CCDC171: variants seen among roughly 807,000 people sequenced by gnomAD.
CCDC171 encodes coiled-coil domain-containing protein 171.
A neutral mutation model predicts 168.2 loss-of-function variants in CCDC171; 177 were observed. That is an observed-to-expected ratio of 1.05 (90% CI 0.93 to 1.19). The LOEUF (loss-of-function observed/expected upper bound fraction) is 1.19, where lower values mean the gene tolerates loss of function less well. Ranked by LOEUF, CCDC171 falls within the 50% of genes most tolerant of loss-of-function variation. CCDC171 has a pLI of 0.00. For missense variants in CCDC171, 1,991 were observed against 1,539.0 expected (o/e 1.29, Z -4.91); for synonymous variants, 687 against 540.8 (o/e 1.27, Z -3.75).
In CCDC171 at chr9:15,736,636, G is replaced by A. The variant is rs146085159; in HGVS notation, c.2049+6838G>A. Among the ~76,000 whole-genome samples the A allele has an allele frequency of 3.4e-3, 520 of 150,956 alleles. 2 individuals are homozygous for A. The highest frequency in any genetic ancestry group is 5.4e-3 in the Non-Finnish European group (368 of 67,926). Reference sequence around the variant, plus strand: ...CAAAGTGTTGGAATTACAAATGTGAGCCACGGTGCCCGGCTCACATTTCTT... The same window carrying A: ...CAAAGTGTTGGAATTACAAATGTGAACCACGGTGCCCGGCTCACATTTCTT... On this transcript the variant is annotated intron_variant, in intron 16 of 25. Coordinates refer to ENST00000380701, the MANE Select transcript of CCDC171 (RefSeq NM_173550.4).
chr9:15,955,792 A>G (rs1265795452), intron 25 of CCDC171, among the ~76,000 whole-genome samples: 2 of 152,168 alleles, frequency 1.3e-5, no homozygotes, highest in Non-Finnish European at 2.9e-5. Flanking sequence ...CATTTTTAAT[A>G]AGATGTGATA....
At chr9:15,714,576 A>C (rs1421192059) in intron 11 of CCDC171, among the ~76,000 whole-genome samples, 1 of 71,644 alleles carries the variant, frequency 1.4e-5, no homozygotes, top group African/African-American at 5.4e-5. Context: ...TATCCCTGAT[A>C]AGTGTAGTTA....
At chr9:15,936,644 C>G (rs1483399946) in intron 25 of CCDC171, among the ~76,000 whole-genome samples, 2 of 151,998 alleles carry the variant, frequency 1.3e-5, no homozygotes, top group Non-Finnish European at 2.9e-5. Flanking sequence ...GCCTCCCCAC[C>G]TCCCCTTAAC....
rs778689674 is a variant in CCDC171, at chr9:15,641,240, A to G, written c.823-15887A>G. ...TTGTGCAACTAATGAGGAAACTAAC[A>G]TACAACACACTCCTGAGGAAATCAT... On this transcript the variant is annotated intron_variant, in intron 7 of 25. Coordinates refer to ENST00000380701, the MANE Select transcript of CCDC171 (RefSeq NM_173550.4). Among the ~76,000 whole-genome samples, 45 of 152,218 alleles carry G rather than the reference A, an allele frequency of 3.0e-4. 1 individual carries two copies. Among genetic ancestry groups the G allele is most frequent in the Non-Finnish European group, 7.4e-5 (5 of 68,024 alleles).
In CCDC171 at chr9:15,892,160, G is replaced by C. The variant is rs1010632075; in HGVS notation, c.3600+17497G>C. Among the ~76,000 whole-genome samples the C allele has an allele frequency of 7.0e-4, 106 of 152,122 alleles. 1 individual carries two copies. Among genetic ancestry groups the C allele is most frequent in the African/African-American group, 2.3e-3 (97 of 41,432 alleles). ...TGTCTTCTGCAAACAAAGATAATTT[G>C]ACTTTCTCTCTTTCTATTTGAATAG... On this transcript the variant is annotated intron_variant, in intron 24 of 25. Coordinates refer to ENST00000380701, the MANE Select transcript of CCDC171 (RefSeq NM_173550.4).
chr9:15,591,502 T>A lies in CCDC171; in HGVS notation c.489T>A (p.Asn163Lys). The A allele has an allele frequency of 6.2e-7, 1 of 1,604,622 alleles. No individual in the cohort carries two copies. Among genetic ancestry groups the A allele is most frequent in the Non-Finnish European group, 8.5e-7 (1 of 1,175,216 alleles). ...GAGACAATATGATCCAAAATTGCAA[T>A]CGAGAATATGATTTACTTATGAAAG... is the stretch of plus-strand genomic sequence containing the variant. ...EERDNMIQNC[N>K]REYDLLMKEK... Residue 163 changes from asparagine (N) to lysine (K), a missense_variant, in exon 5 of 26, where the codon AAT (asparagine) becomes AAA (lysine). Transcript: ENST00000380701.
intron 6 of CCDC171, among the ~76,000 whole-genome samples, chr9:16,033,233 G>A (rs1371282609): frequency 6.6e-6 from 1 of 152,218 alleles, no homozygotes; most frequent in East Asian, 1.9e-4. Flanking sequence ...CGTTATTATA[G>A]GGGTCCCCAA....
chr9:15,601,640 A>G (rs543228984), intron 6 of CCDC171, among the ~76,000 whole-genome samples: 3 of 152,330 alleles, frequency 2.0e-5, no homozygotes, highest in African/African-American at 7.2e-5. Flanking sequence ...ATGTAAAGGG[A>G]GAAAATATTG....
At chr9:15,722,957 C>G (rs1278836039) in intron 12 of CCDC171, among the ~76,000 whole-genome samples, 2 of 152,126 alleles carry the variant, frequency 1.3e-5, no homozygotes, top group African/African-American at 4.8e-5. Context: ...ACATATTACC[C>G]ACAGCGAATT....
intron 6 of CCDC171, among the ~76,000 whole-genome samples, chr9:15,613,087 T>G (rs1207763277): frequency 6.6e-6 from 1 of 152,214 alleles, no homozygotes; most frequent in Non-Finnish European, 1.5e-5. Context: ...TATTAGAATT[T>G]CTGGGTCAAA....
rs2055580920 is a variant in CCDC171 at position 15,749,708 on chromosome 9, G to A, written c.2671+4077G>A. 2.0e-5 allele frequency among the ~76,000 whole-genome samples: 3 copies of A among 152,250 alleles called. No individual in the cohort carries two copies. In the South Asian group the frequency reaches 6.2e-4, roughly 32 times the overall value. ...CAACTACATGGAAACTGAACAACCTGCTCCTGAATGACTACTGGGTAAATA... is the reference window on the plus strand; with the variant it reads ...CAACTACATGGAAACTGAACAACCTACTCCTGAATGACTACTGGGTAAATA... On this transcript the variant is annotated intron_variant, in intron 18 of 25. Transcript: ENST00000380701.
At chr9:15,563,875 A>T (rs976967477) in intron 1 of CCDC171, 103 bp from the exon 2 acceptor site, 2 of 507,406 alleles carry the variant, frequency 3.9e-6, no homozygotes, top group Non-Finnish European at 7.0e-6. Context: ...CTACAATTTC[A>T]CTTATCAATT....
chr9:15,917,857 G>T (rs1012265771), intron 24 of CCDC171, among the ~76,000 whole-genome samples: 12 of 151,666 alleles, frequency 7.9e-5, no homozygotes, highest in African/African-American at 2.9e-4. Context: ...ATTTATGCAT[G>T]TTTCAGCCTT....
In CCDC171 at chr9:15,868,211, A is replaced by ATAACC. The variant is rs1186684105; in HGVS notation, c.3469-6319_3469-6315dup. ...GCTCCAGAGTTGTAGATTAAGTTAA[A>ATAACC]TAACCTGCCAGCAAAAGAGGGCTAG... On this transcript the variant is annotated intron_variant, in intron 23 of 25. Coordinates refer to ENST00000380701, the MANE Select transcript of CCDC171 (RefSeq NM_173550.4). Among the ~76,000 whole-genome samples, 23 of 152,136 alleles carry ATAACC rather than the reference A, an allele frequency of 1.5e-4. No individual in the cohort carries two copies. The South Asian group carries it at 4.6e-3, about 30-fold the overall frequency.
At chr9:15,810,500 G>C (rs570939908) in intron 21 of CCDC171, among the ~76,000 whole-genome samples, 1 of 152,004 alleles carries the variant, frequency 6.6e-6, no homozygotes, top group Admixed American at 6.5e-5. Flanking sequence ...CATGGGGTGG[G>C]GGGGTGGGGC....
intron 4 of CCDC171, chr9:15,587,661 T>C (rs1428939669): frequency 8.8e-6 from 4 of 456,630 alleles, no homozygotes; most frequent in Non-Finnish European, 1.8e-5. Context: ...ACTAAAGTTG[T>C]TAACGTCCAC....
At chr9:15,885,655 T>G (rs922358915) in intron 24 of CCDC171, 11 of 152,220 alleles carry the variant, frequency 7.2e-5, no homozygotes, top group Admixed American at 5.2e-4. Flanking sequence ...GCTCTCTTAA[T>G]GTCAGTTTTC....
At position 15,623,463 on chromosome 9, in the gene CCDC171, A is replaced by ACGCGCGCGCGCGCGCG. The variant is rs144676393; in HGVS notation, c.822+50_822+51insCGCGCGCGCGCGCGCG. The stretch of plus-strand genomic sequence containing the variant: ...TATATATGCGTACAAACTTTCACAT[A>ACGCGCGCGCGCGCGCG]TGCGCGCGCGCGCACACACACACAC... On this transcript the variant is annotated intron_variant, in intron 7 of 25. Transcript: ENST00000380701. The ACGCGCGCGCGCGCGCG allele has an allele frequency of 1.7e-3, 1,056 of 635,816 alleles. 49 individuals carry two copies. Among genetic ancestry groups the ACGCGCGCGCGCGCGCG allele is most frequent in the Admixed American group, 3.5e-3 (122 of 34,614 alleles). The allele number at this position is 635,816 out of a possible 1,614,324, so 39.4% of individuals were successfully genotyped here. A position where few individuals can be genotyped will look rare whatever the true frequency, so the allele number is the denominator to read the frequency against.
At chr9:15,837,858 A>G (rs1429388810) in intron 21 of CCDC171, among the ~76,000 whole-genome samples, 1 of 152,236 alleles carries the variant, frequency 6.6e-6, no homozygotes, top group Non-Finnish European at 1.5e-5. Flanking sequence ...AAAGCCTTTT[A>G]GAAATCTCAC....
Sources: gnomAD v4.1 joint callset for allele counts (sites outside exome capture counted in the v4.1 genomes callset) on GRCh38, gnomAD v4.1.1 for gene constraint, MANE v1.5 for transcripts, NCBI Gene and HGNC (gene_info 2026-07-23, HGNC 2026-07-21) for gene names.